FCF1: variants seen among roughly 807,000 people sequenced by gnomAD.
FCF1 encodes rRNA-processing protein FCF1 homolog.
Under a neutral mutation model 32.5 loss-of-function variants are expected in FCF1, and 17 were observed. That is an observed-to-expected ratio of 0.52 (90% CI 0.36 to 0.78). The LOEUF is 0.78. FCF1 is among the 30% of genes least tolerant of loss of function. FCF1 has a pLI of 0.00. For synonymous variants in FCF1, 84 were observed against 78.4 expected, an observed-to-expected ratio of 1.07 and a Z score of -0.38; for missense variants, 201 against 241.1, an observed-to-expected ratio of 0.83 and a Z score of 1.10.
In FCF1 at chr14:74,736,691, A is replaced by T. The variant is rs942488949; in HGVS notation, c.*1761A>T. ...ATAAATTGTCAATTTACAATAAAAA[A>T]TTTTTGTTGCGTCTTTTTAGAAATC... is the stretch of plus-strand genomic sequence containing the variant. On this transcript the variant is annotated 3_prime_UTR_variant, in exon 8 of 8. Transcript: ENST00000341162. The T allele has an allele frequency of 6.6e-6, 1 of 152,154 alleles. No individual in the cohort carries two copies. Among genetic ancestry groups the T allele is most frequent in the African/African-American group, 2.4e-5 (1 of 41,438 alleles). 9.4% of individuals were successfully genotyped at this position (152,154 alleles called of 1,614,324 possible).
At chr14:74,715,414 A>C (rs967366682) in intron 3 of FCF1, among the ~76,000 whole-genome samples, 18 of 151,918 alleles carry the variant, frequency 1.2e-4, no homozygotes, top group African/African-American at 4.4e-4. Flanking sequence ...TTTTCCCTGG[A>C]TTGGTAATGG....
At position 74,738,552 on chromosome 14, in the gene FCF1, A is replaced by C. The variant is rs1183213913; in HGVS notation, c.*3622A>C. ...CTGATGTCATGCTGACAGAAGTGCA[A>C]ATATTTATGGCCATTTTTTACAGCT... On this transcript the variant is annotated 3_prime_UTR_variant, in exon 8 of 8. Coordinates refer to ENST00000341162, the MANE Select transcript of FCF1 (RefSeq NM_015962.5). The C allele has an allele frequency of 1.3e-5, 2 of 152,186 alleles. No individual in the cohort carries two copies. The highest frequency in any genetic ancestry group is 2.4e-5 in the African/African-American group (1 of 41,452). The allele number at this position is 152,186 out of a possible 1,614,324, so 9.4% of individuals were successfully genotyped here.
chr14:74,722,438 T>A (rs2090517272), intron 4 of FCF1, among the ~76,000 whole-genome samples: 1 of 152,202 alleles, frequency 6.6e-6, no homozygotes, highest in Non-Finnish European at 1.5e-5. Flanking sequence ...GTTCAAATGT[T>A]GGCTTTACCA....
chr14:74,721,871 A>C (rs1324498184), intron 4 of FCF1, among the ~76,000 whole-genome samples: 3 of 152,134 alleles, frequency 2.0e-5, no homozygotes, highest in Admixed American at 6.5e-5. Flanking sequence ...ATCCTTATGA[A>C]TATGTCTCCC....
At chr14:74,726,991 T>C (rs2140033580) in intron 5 of FCF1, among the ~76,000 whole-genome samples, 1 of 152,216 alleles carries the variant, frequency 6.6e-6, no homozygotes, top group African/African-American at 2.4e-5. Context: ...CACATTTTCT[T>C]AATCCAGTCT....
intron 5 of FCF1, among the ~76,000 whole-genome samples, chr14:74,729,671 T>G (rs897855046): frequency 9.2e-5 from 14 of 152,224 alleles, no homozygotes; most frequent in African/African-American, 3.1e-4. Flanking sequence ...CTCTTGTTTT[T>G]CTAGTTCTTT....
intron 5 of FCF1, 122 bp downstream of exon 5, chr14:74,723,466 G>A (rs184057397): frequency 8.6e-6 from 6 of 696,790 alleles, no homozygotes; most frequent in South Asian, 3.9e-5. Context: ...ATCATTTTTG[G>A]GGGGGTTGTT....
At chr14:74,730,350 C>G (rs1373591289) in intron 5 of FCF1, among the ~76,000 whole-genome samples, 2 of 151,466 alleles carry the variant, frequency 1.3e-5, no homozygotes, top group African/African-American at 4.9e-5. Context: ...GTAGCTGGGA[C>G]TACAGGTGCA....
intron 5 of FCF1, among the ~76,000 whole-genome samples, chr14:74,725,452 C>CCTGGG (rs2090563613): frequency 7.7e-6 from 1 of 129,368 alleles, no homozygotes; most frequent in South Asian, 2.5e-4. Flanking sequence ...TGTACTCCAG[C>CCTGGG]CTGGGCTACA....
chr14:74,734,970 C>A lies in FCF1; in HGVS notation c.*40C>A, dbSNP rs760957453. On this transcript the variant is annotated 3_prime_UTR_variant, in exon 8 of 8. Transcript: ENST00000341162. The stretch of plus-strand genomic sequence containing the variant: ...AGTTCCTCTGCCTTTCTTCGACCAA[C>A]TTTCTCTTGTTGCCAGTTCATTACA... 4.5e-6 allele frequency: 7 copies of A among 1,553,754 alleles called. No individual in the cohort carries two copies. In the East Asian group the frequency reaches 9.0e-5, roughly 20 times the overall value.
chr14:74,732,203 G>A (rs1350892661), intron 5 of FCF1, among the ~76,000 whole-genome samples: 1 of 151,766 alleles, frequency 6.6e-6, no homozygotes, highest in Non-Finnish European at 1.5e-5. Context: ...CAACAGTTTA[G>A]TGTAGGTCCT....
At chr14:74,726,930 G>C in intron 5 of FCF1, among the ~76,000 whole-genome samples, 1 of 151,748 alleles carries the variant, frequency 6.6e-6, no homozygotes, top group Non-Finnish European at 1.5e-5. Flanking sequence ...TACAAAGGAC[G>C]TGAACTCATC....
intron 5 of FCF1, 48 bp downstream of exon 5, chr14:74,723,392 T>G: frequency 7.7e-7 from 1 of 1,295,754 alleles, no homozygotes; most frequent in East Asian, 2.4e-5. Flanking sequence ...ATACTGAAGA[T>G]TCATCTGTTT....
Position 74,713,525 on chromosome 14 carries a change from G to A in FCF1, c.44G>A (p.Arg15Gln), listed in dbSNP as rs1231964451. ...KKTRKYATMK[R>Q]MLSLRDQRLK... is the part of the protein sequence containing the mutation. ...ACAAGGAAGTATGCGACCATGAAGC[G>A]AATGCTTAGTCTCAGAGATCAGAGG... is the stretch of plus-strand genomic sequence containing the variant. The change falls in exon 2 of 8, where the codon CGA (arginine) becomes CAA (glutamine). Residue 15 changes from arginine (R) to glutamine (Q), a missense_variant. Arg to Gln is a conservative substitution (Grantham distance 43). Around this residue, in one of 3 missense-constraint regions of FCF1, gnomAD observed 76 missense variants for 75.0 expected, o/e 1.01. Coordinates refer to ENST00000341162, the MANE Select transcript of FCF1 (RefSeq NM_015962.5). 6.2e-7 allele frequency: 1 copy of A among 1,612,290 alleles called. No individual in the cohort carries two copies. The highest frequency in any genetic ancestry group is 1.1e-5 in the South Asian group (1 of 91,000).
At chr14:74,732,852 T>TAAA in intron 6 of FCF1, 34 bp downstream of exon 6, 5 of 984,802 alleles carry the variant, frequency 5.1e-6, no homozygotes, top group Non-Finnish European at 7.4e-6. Context: ...ACTTTGTGCT[T>TAAA]AAAAAAAAAA....
chr14:74,732,645 T>A (rs1198387263), intron 5 of FCF1, 86 bp from the exon 6 acceptor site: 1 of 893,036 alleles, frequency 1.1e-6, no homozygotes, highest in Non-Finnish European at 1.8e-6. Context: ...TTAAAATCTC[T>A]GCATAGATCA....
rs904247360 is a variant in FCF1 at position 74,737,508 on chromosome 14, A to G, written c.*2578A>G. On this transcript the variant is annotated 3_prime_UTR_variant, in exon 8 of 8. Coordinates refer to ENST00000341162, the MANE Select transcript of FCF1 (RefSeq NM_015962.5). ...TAGAATACTAATTCCACCAGTTAAT[A>G]TCTGTATGAGTTGGACAAACCATAT... 6.6e-6 allele frequency: 1 copy of G among 152,242 alleles called. No individual in the cohort carries two copies. The highest frequency in any genetic ancestry group is 2.4e-5 in the African/African-American group (1 of 41,456). The allele number at this position is 152,242 out of a possible 1,614,324, so 9.4% of individuals were successfully genotyped here. A position where few individuals can be genotyped will look rare whatever the true frequency, so the allele number is the denominator to read the frequency against.
chr14:74,725,083 AAG>A (rs1241678626), intron 5 of FCF1, among the ~76,000 whole-genome samples: 2 of 152,002 alleles, frequency 1.3e-5, no homozygotes, highest in African/African-American at 4.8e-5. Flanking sequence ...AAAAAAAAGA[AAG>A]AAAAAGATTG....
intron 4 of FCF1, among the ~76,000 whole-genome samples, chr14:74,718,552 C>T (rs1221858607): frequency 6.6e-6 from 1 of 151,954 alleles, no homozygotes; most frequent in African/African-American, 2.4e-5. Flanking sequence ...CTGCTCACTG[C>T]AACCTCTGCC....
Sources: gnomAD v4.1 joint callset for allele counts (sites outside exome capture counted in the v4.1 genomes callset) on GRCh38, gnomAD v4.1.1 for gene constraint, gnomAD v4.1.1 regional missense constraint, MANE v1.5 for transcripts, NCBI Gene and HGNC (gene_info 2026-07-23, HGNC 2026-07-21) for gene names.